The following KLLN variants were observed in gnomAD, a reference collection of about 807,000 sequenced individuals.
The protein encoded by KLLN is killin.
For synonymous variants in KLLN, 142 were observed against 102.2 expected, an observed-to-expected ratio of 1.39 and a Z score of -2.35; for missense variants, 340 against 241.3, an observed-to-expected ratio of 1.41 and a Z score of -2.71.
rs747746080 is a variant in KLLN, at chr10:87,861,967, C to G, written c.521G>C (p.Ser174Thr). ...TCTCAGGTCTCAGTCCTTTGGCTTGCTCTTAGGGTAGCAGGCGAGGAGTGG... is the reference window on the plus strand; with the variant it reads ...TCTCAGGTCTCAGTCCTTTGGCTTGGTCTTAGGGTAGCAGGCGAGGAGTGG... Reference protein sequence around the residue: ...LVPLLACYPKSKPKD With the variant: ...LVPLLACYPKTKPKD Residue 174 changes from serine to threonine, a missense_variant, in exon 1 of 1, where the codon AGC becomes ACC. Ser to Thr is a moderately conservative substitution (Grantham distance 58). Coordinates refer to ENST00000445946, the MANE Select transcript of KLLN (RefSeq NM_001126049.2). 9 of 1,463,396 alleles carry G rather than the reference C, an allele frequency of 6.2e-6. No homozygotes were observed. In the South Asian group the frequency reaches 8.7e-5, roughly 14 times the overall value. 90.7% of individuals were successfully genotyped at this position (1,463,396 alleles called of 1,614,324 possible).
chr10:87,862,240 G>C lies in KLLN; in HGVS notation c.248C>G (p.Ser83Cys), dbSNP rs1178887674. 1 of 1,551,716 alleles carries C rather than the reference G, an allele frequency of 6.4e-7. No homozygotes were observed. The highest frequency in any genetic ancestry group is 1.2e-5 in the South Asian group (1 of 84,058). The change falls in exon 1 of 1, where the codon TCC (serine) becomes TGC (cysteine). Residue 83 changes from serine (S) to cysteine (C), a missense_variant. Transcript: ENST00000445946. ...AAAGGAAGAAGACGACTTGCCTCCG[G>C]AGCTATCACTGGGGAGTGGGAATTT... ...LSKFPLPSDS[S>C]GGKSSSSFAR...
rs1346562402 is a variant in KLLN at position 87,862,137 on chromosome 10, G to C, written c.351C>G (p.Thr117=). The stretch of plus-strand genomic sequence containing the variant: ...CCCGACAGCGCTCCTTCGGGAGGCT[G>C]GTCCGAGCCCCTGTTTCCGCCGCGG... ...SCAAAETGAR[T]SLPKERCRGW... The change falls in exon 1 of 1, where the codon ACC becomes ACG. Residue 117 remains threonine, a synonymous_variant. Transcript: ENST00000445946. The C allele has an allele frequency of 1.9e-6, 3 of 1,550,036 alleles. No homozygotes were observed. The highest frequency in any genetic ancestry group is 1.7e-4 in the Middle Eastern group (1 of 5,974).
chr10:87,862,475 C>A lies in KLLN; in HGVS notation c.13G>T (p.Gly5Trp). The change falls in exon 1 of 1, where the codon GGG (glycine) becomes TGG (tryptophan). Residue 5 changes from glycine (G) to tryptophan (W), a missense_variant. Coordinates refer to ENST00000445946, the MANE Select transcript of KLLN (RefSeq NM_001126049.2). MDRPGPGSARPGRTV... is the reference protein window; with the variant it reads MDRPWPGSARPGRTV... ...CGGCCGGGGCGCGCGGAGCCTGGCC[C>A]CGGGCGATCCATCCTGCCGGGTTTT... The A allele has an allele frequency of 6.5e-7, 1 of 1,548,430 alleles. No individual in the cohort carries two copies. The highest frequency in any genetic ancestry group is 8.7e-7 in the Non-Finnish European group (1 of 1,144,794).
chr10:87,860,090 C>G lies in KLLN; in HGVS notation c.*1861G>C, dbSNP rs1267910957. On this transcript the variant is annotated 3_prime_UTR_variant, in exon 1 of 1. Transcript: ENST00000445946. ...AGACCAGTGTATTGTAATATCTATA[C>G]AGCCAAGCAGGTATTTTCAACTGAA... The G allele has an allele frequency of 7.0e-6, 1 of 143,872 alleles. No homozygotes were observed. The highest frequency in any genetic ancestry group is 1.5e-5 in the Non-Finnish European group (1 of 66,050). 8.9% of individuals were successfully genotyped at this position (143,872 alleles called of 1,614,324 possible). A position where few individuals can be genotyped will look rare whatever the true frequency, so the allele number is the denominator to read the frequency against.
rs115389083 is a variant in KLLN, at chr10:87,862,890, G to A, written c.-403C>T. 2,196 of 232,000 alleles carry A rather than the reference G, an allele frequency of 9.5e-3. 53 individuals carry two copies. Among genetic ancestry groups the A allele is most frequent in the African/African-American group, 0.045 (2,003 of 44,160 alleles). 14.4% of individuals were successfully genotyped at this position (232,000 alleles called of 1,614,324 possible). On this transcript the variant is annotated 5_prime_UTR_variant, in exon 1 of 1. Transcript: ENST00000445946. ...CTAAGACTGACACCATGAGGACACA[G>A]ATTTGGGGGAAGGGGGAATCTCTAG... is the stretch of plus-strand genomic sequence containing the variant.
chr10:87,862,623 G>A lies in KLLN; in HGVS notation c.-136C>T. 1.3e-6 allele frequency: 1 copy of A among 793,126 alleles called. No individual in the cohort carries two copies. The highest frequency in any genetic ancestry group is 1.8e-5 in the South Asian group (1 of 54,532). The allele number at this position is 793,126 out of a possible 1,614,324, so 49.1% of individuals were successfully genotyped here. Reference sequence around the variant, plus strand: ...GACTCTCTTGGGGGCACCGGAGCGGGCGCAGGAGAGGCCTGCGGGGTGCGT... The same window carrying A: ...GACTCTCTTGGGGGCACCGGAGCGGACGCAGGAGAGGCCTGCGGGGTGCGT... On this transcript the variant is annotated 5_prime_UTR_variant, in exon 1 of 1. Coordinates refer to ENST00000445946, the MANE Select transcript of KLLN (RefSeq NM_001126049.2).
chr10:87,860,603 T>A lies in KLLN; in HGVS notation c.*1348A>T, dbSNP rs1484720493. 2 of 152,244 alleles carry A rather than the reference T, an allele frequency of 1.3e-5. No individual in the cohort carries two copies. Among genetic ancestry groups the A allele is most frequent in the Admixed American group, 1.3e-4 (2 of 15,288 alleles). The allele number at this position is 152,244 out of a possible 1,614,324, so 9.4% of individuals were successfully genotyped here. On this transcript the variant is annotated 3_prime_UTR_variant, in exon 1 of 1. Coordinates refer to ENST00000445946, the MANE Select transcript of KLLN (RefSeq NM_001126049.2). ...AGATTTCAGAGATTCTCAGATGCTA[T>A]GAGACTAATTGTCACTTAGGGTAGG...
chr10:87,862,409 G>A lies in KLLN; in HGVS notation c.79C>T (p.Arg27Trp), dbSNP rs932756787. The A allele has an allele frequency of 5.8e-6, 9 of 1,551,566 alleles. No homozygotes were observed. The highest frequency in any genetic ancestry group is 2.0e-5 in the Admixed American group (1 of 50,996). ...CTGGGCTGCAGCTTCCTACCGTTCC[G>A]TACTTTCCACTCAACCCGGTAACCC... ...VWGYRVEWKV[R>W]NGRKLQPSEW... is the part of the protein sequence containing the mutation. Residue 27 changes from arginine (R) to tryptophan (W), a missense_variant, in exon 1 of 1, where the codon CGG becomes TGG. By Grantham distance (101) the Arg-to-Trp change is moderately radical. Coordinates refer to ENST00000445946, the MANE Select transcript of KLLN (RefSeq NM_001126049.2).
rs1473249757 is a variant in KLLN at position 87,862,362 on chromosome 10, G to A, written c.126C>T (p.Asp42=). ...TCCACCTCCTTTTGAACCCTCCTAG[G>A]TCTCCTCGCCCCGCCCACTCGCTGG... The part of the protein sequence containing the change: ...LQPSEWAGRG[D]LGGFKRRWKD... The change falls in exon 1 of 1, where the codon GAC becomes GAT. Residue 42 remains aspartate (D), a synonymous_variant. Coordinates refer to ENST00000445946, the MANE Select transcript of KLLN (RefSeq NM_001126049.2). 2 of 1,551,478 alleles carry A rather than the reference G, an allele frequency of 1.3e-6. No homozygotes were observed. Among genetic ancestry groups the A allele is most frequent in the Non-Finnish European group, 1.7e-6 (2 of 1,146,976 alleles).
In KLLN at chr10:87,861,030, A is replaced by AC. The variant is rs1186355716; in HGVS notation, c.*920dup. ...CAAGCTGACCAGAACTATGCACAAAACCAGTCTTCAATAAATATCAACACT... is the reference window on the plus strand; with the variant it reads ...CAAGCTGACCAGAACTATGCACAAAACCCAGTCTTCAATAAATATCAACACT... On this transcript the variant is annotated 3_prime_UTR_variant, in exon 1 of 1. Coordinates refer to ENST00000445946, the MANE Select transcript of KLLN (RefSeq NM_001126049.2). 1 of 152,176 alleles carries AC rather than the reference A, an allele frequency of 6.6e-6. No individual in the cohort carries two copies. Among genetic ancestry groups the AC allele is most frequent in the African/African-American group, 2.4e-5 (1 of 41,422 alleles). 9.4% of individuals were successfully genotyped at this position (152,176 alleles called of 1,614,324 possible).
rs1282178927 is a variant in KLLN at position 87,860,923 on chromosome 10, T to G, written c.*1028A>C. On this transcript the variant is annotated 3_prime_UTR_variant, in exon 1 of 1. Transcript: ENST00000445946. ...AGGCTGTGTGGACAGTATCTGCATCTCTGGAAATCAACTGGAGGCCTTTCT... is the reference window on the plus strand; with the variant it reads ...AGGCTGTGTGGACAGTATCTGCATCGCTGGAAATCAACTGGAGGCCTTTCT... 6.6e-6 allele frequency: 1 copy of G among 152,262 alleles called. No homozygotes were observed. The highest frequency in any genetic ancestry group is 1.5e-5 in the Non-Finnish European group (1 of 68,060). 9.4% of individuals were successfully genotyped at this position (152,262 alleles called of 1,614,324 possible).
Position 87,861,924 on chromosome 10 carries a change from T to C in KLLN, c.*27A>G. 2 of 1,451,832 alleles carry C rather than the reference T, an allele frequency of 1.4e-6. No individual in the cohort carries two copies. The highest frequency in any genetic ancestry group is 1.8e-6 in the Non-Finnish European group (2 of 1,099,484). The allele number at this position is 1,451,832 out of a possible 1,614,324, so 89.9% of individuals were successfully genotyped here. The stretch of plus-strand genomic sequence containing the variant: ...TTTGGGAAGGCGCAGAATAGGTCGA[T>C]GTAGAGCAAGGAGTGAGTCTCAGGT... On this transcript the variant is annotated 3_prime_UTR_variant, in exon 1 of 1. Coordinates refer to ENST00000445946, the MANE Select transcript of KLLN (RefSeq NM_001126049.2).
chr10:87,862,015 C>T lies in KLLN; in HGVS notation c.473G>A (p.Gly158Glu), dbSNP rs1564798589. Reference protein sequence around the residue: ...CWLPPILTERGERVPKLVPLL... With the variant: ...CWLPPILTEREERVPKLVPLL... ...TGGCACCAGTTTGGGGACTCTCTCC[C>T]CGCGTTCTGTAAGAATCGGCGGCAG... Residue 158 changes from glycine to glutamate, a missense_variant, in exon 1 of 1, where the codon GGG (glycine) becomes GAG (glutamate). Transcript: ENST00000445946. 1 of 1,481,882 alleles carries T rather than the reference C, an allele frequency of 6.7e-7. No homozygotes were observed. 91.8% of individuals were successfully genotyped at this position (1,481,882 alleles called of 1,614,324 possible). A position where few individuals can be genotyped will look rare whatever the true frequency, so the allele number is the denominator to read the frequency against.
Position 87,862,357 on chromosome 10 carries a change from C to G in KLLN, c.131G>C (p.Gly44Ala), listed in dbSNP as rs2132137578. 1 of 1,551,686 alleles carries G rather than the reference C, an allele frequency of 6.4e-7. No homozygotes were observed. Among genetic ancestry groups the G allele is most frequent in the Non-Finnish European group, 8.7e-7 (1 of 1,146,990 alleles). ...ATCCTTCCACCTCCTTTTGAACCCT[C>G]CTAGGTCTCCTCGCCCCGCCCACTC... The part of the protein sequence containing the change: ...PSEWAGRGDL[G>A]GFKRRWKDTR... The change falls in exon 1 of 1, where the codon GGA becomes GCA. Residue 44 changes from glycine to alanine, a missense_variant. By Grantham distance (60) the Gly-to-Ala change is moderately conservative. Transcript: ENST00000445946.
chr10:87,860,817 T>C lies in KLLN; in HGVS notation c.*1134A>G, dbSNP rs1395375377. On this transcript the variant is annotated 3_prime_UTR_variant, in exon 1 of 1. Coordinates refer to ENST00000445946, the MANE Select transcript of KLLN (RefSeq NM_001126049.2). ...TTAAACACAGCTCTGGTTTTTACCA[T>C]GCAATCTAGTAGAACACCTAGACAT... is the stretch of plus-strand genomic sequence containing the variant. 6.6e-6 allele frequency: 1 copy of C among 152,242 alleles called. No homozygotes were observed. Among genetic ancestry groups the C allele is most frequent in the Non-Finnish European group, 1.5e-5 (1 of 68,048 alleles). 9.4% of individuals were successfully genotyped at this position (152,242 alleles called of 1,614,324 possible).
Position 87,862,012 on chromosome 10 carries a change from T to G in KLLN, c.476A>C (p.Glu159Ala), listed in dbSNP as rs769557842. 3 of 1,480,288 alleles carry G rather than the reference T, an allele frequency of 2.0e-6. No individual in the cohort carries two copies. The African/African-American group carries it at 4.3e-5, about 21-fold the overall frequency. The allele number at this position is 1,480,288 out of a possible 1,614,324, so 91.7% of individuals were successfully genotyped here. A position where few individuals can be genotyped will look rare whatever the true frequency, so the allele number is the denominator to read the frequency against. Residue 159 changes from glutamate to alanine, a missense_variant, in exon 1 of 1, where the codon GAG becomes GCG. Coordinates refer to ENST00000445946, the MANE Select transcript of KLLN (RefSeq NM_001126049.2). ...WLPPILTERG[E>A]RVPKLVPLLA... ...GAGTGGCACCAGTTTGGGGACTCTC[T>G]CCCCGCGTTCTGTAAGAATCGGCGG... is the stretch of plus-strand genomic sequence containing the variant.
At position 87,862,171 on chromosome 10, in the gene KLLN, G is replaced by C. The variant is rs1269867642; in HGVS notation, c.317C>G (p.Pro106Arg). 3 of 1,551,490 alleles carry C rather than the reference G, an allele frequency of 1.9e-6. No homozygotes were observed. The highest frequency in any genetic ancestry group is 2.6e-6 in the Non-Finnish European group (3 of 1,146,960). The stretch of plus-strand genomic sequence containing the variant: ...CCCTGTTTCCGCCGCGGCGCAGGAA[G>C]GGTTGGGGTTCCGCTGCCTGCACCA... ...LAWCRQRNPN[P>R]SCAAAETGAR... Residue 106 changes from proline to arginine, a missense_variant, in exon 1 of 1, where the codon CCT becomes CGT. Coordinates refer to ENST00000445946, the MANE Select transcript of KLLN (RefSeq NM_001126049.2).
chr10:87,862,821 G>T lies in KLLN; in HGVS notation c.-334C>A, dbSNP rs552591230. 16 of 416,238 alleles carry T rather than the reference G, an allele frequency of 3.8e-5. No individual in the cohort carries two copies. In the East Asian group the frequency reaches 6.3e-4, roughly 16 times the overall value. The allele number at this position is 416,238 out of a possible 1,614,324, so 25.8% of individuals were successfully genotyped here. ...GTGGGGCGCTGCAAGGGAGCCGGAT[G>T]AGGTGATACACGCTGGCGACACAAT... On this transcript the variant is annotated 5_prime_UTR_variant, in exon 1 of 1. Coordinates refer to ENST00000445946, the MANE Select transcript of KLLN (RefSeq NM_001126049.2).
At position 87,860,227 on chromosome 10, in the gene KLLN, T is replaced by C. The variant is rs1858235083; in HGVS notation, c.*1724A>G. 1 of 152,196 alleles carries C rather than the reference T, an allele frequency of 6.6e-6. No individual in the cohort carries two copies. The highest frequency in any genetic ancestry group is 1.5e-5 in the Non-Finnish European group (1 of 68,020). The allele number at this position is 152,196 out of a possible 1,614,324, so 9.4% of individuals were successfully genotyped here. On this transcript the variant is annotated 3_prime_UTR_variant, in exon 1 of 1. Transcript: ENST00000445946. ...GGAAAAGGATGCATCAGTATTTCTT[T>C]CAGAAACAACTTAACACTAGGAACA...
Sources: allele counts gnomAD v4.1 joint callset, GRCh38; gene constraint gnomAD v4.1.1; transcripts MANE v1.5; gene names NCBI Gene and HGNC (gene_info 2026-07-23, HGNC 2026-07-21).